The following FAM184B variants were observed in gnomAD, a reference collection of about 807,000 sequenced individuals.
FAM184B encodes the protein family with sequence similarity 184 member B, also known as protein FAM184B.
In FAM184B, 111 loss-of-function variants were observed where a neutral mutation model predicts 135.9. The observed-to-expected ratio is 0.82, with a 90% confidence interval of 0.70 to 0.96. FAM184B has a LOEUF of 0.96. Ranked by LOEUF, FAM184B falls within the 40% of genes least tolerant of loss-of-function variation. FAM184B has a pLI of 0.00. For synonymous variants in FAM184B, 552 were observed against 524.8 expected (o/e 1.05, Z -0.71); for missense variants, 1,375 against 1,323.9 (o/e 1.04, Z -0.60).
chr4:17,742,331 G>A (rs1718065752), intron 1 of FAM184B, among the ~76,000 whole-genome samples: 1 of 151,794 alleles, frequency 6.6e-6, no homozygotes, highest in South Asian at 2.1e-4. Flanking sequence ...TCAGCCAGGA[G>A]GCTGAGGTGA....
chr4:17,733,247 A>C (rs1188978266), intron 1 of FAM184B, among the ~76,000 whole-genome samples: 1 of 152,160 alleles, frequency 6.6e-6, no homozygotes, highest in Non-Finnish European at 1.5e-5. Flanking sequence ...ATGGGTAAAA[A>C]CTGGAAGCAT....
intron 9 of FAM184B, 32 bp from the exon 10 acceptor site, chr4:17,658,594 GC>G: frequency 6.5e-7 from 1 of 1,535,798 alleles, no homozygotes; most frequent in South Asian, 1.2e-5. Flanking sequence ...CTCAGTCTAA[GC>G]CCCTTGCCTT....
chr4:17,751,020 A>T (rs1191967643), intron 1 of FAM184B, among the ~76,000 whole-genome samples: 3 of 152,168 alleles, frequency 2.0e-5, no homozygotes, highest in African/African-American at 7.2e-5. Context: ...AAAAAGCAGC[A>T]CATAGGGCCG....
rs1326022803 is a variant in FAM184B at position 17,709,298 on chromosome 4, T to A, written c.488A>T (p.Gln163Leu). ...GGTAGCCTCGTGGCTCGTCAGGTGC[T>A]GGAGCCTCCTCTCGTAGTCAGCCTT... The part of the protein sequence containing the change: ...ELKADYERRL[Q>L]HLTSHEATPQ... The change falls in exon 2 of 18, where the codon CAG becomes CTG. Residue 163 changes from glutamine (Q) to leucine (L), a missense_variant. Coordinates refer to ENST00000265018, the MANE Select transcript of FAM184B (RefSeq NM_015688.2). The A allele has an allele frequency of 6.5e-7, 1 of 1,549,606 alleles. No homozygotes were observed. Among genetic ancestry groups the A allele is most frequent in the East Asian group, 2.4e-5 (1 of 40,854 alleles).
Position 17,636,631 on chromosome 4 carries a change from C to T in FAM184B, c.2681G>A (p.Gly894Glu). The T allele has an allele frequency of 1.3e-6, 2 of 1,549,702 alleles. No individual in the cohort carries two copies. The highest frequency in any genetic ancestry group is 1.7e-6 in the Non-Finnish European group (2 of 1,146,532). Reference sequence around the variant, plus strand: ...GGACGCTCCCTTCCCTGGCTTCTCTCCGGAATCTTTCAGTCTGTTCCAAGC... The same window carrying T: ...GGACGCTCCCTTCCCTGGCTTCTCTTCGGAATCTTTCAGTCTGTTCCAAGC... ...AALEAELKDSGEKPGKGASRP... is the reference protein window; with the variant it reads ...AALEAELKDSEEKPGKGASRP... The change falls in exon 15 of 18, where the codon GGA (glycine) becomes GAA (glutamate). Residue 894 changes from glycine to glutamate, a missense_variant. By Grantham distance (98) the Gly-to-Glu change is moderately conservative. Coordinates refer to ENST00000265018, the MANE Select transcript of FAM184B (RefSeq NM_015688.2).
intron 1 of FAM184B, among the ~76,000 whole-genome samples, chr4:17,717,601 G>A (rs951645922): frequency 2.6e-5 from 4 of 152,120 alleles, no homozygotes; most frequent in East Asian, 1.9e-4. Flanking sequence ...AAGTCAAAAC[G>A]ACTTCCTAAG....
chr4:17,697,286 A>C (rs1249193393), intron 5 of FAM184B, among the ~76,000 whole-genome samples: 1 of 152,180 alleles, frequency 6.6e-6, no homozygotes, highest in Non-Finnish European at 1.5e-5. Flanking sequence ...ATCTGAAAAG[A>C]TACTGCTGCT....
chr4:17,739,991 C>T (rs1717995497), intron 1 of FAM184B, among the ~76,000 whole-genome samples: 1 of 151,956 alleles, frequency 6.6e-6, no homozygotes. Context: ...ATAAAAAGTC[C>T]CTCCTTGTTC....
intron 13 of FAM184B, among the ~76,000 whole-genome samples, chr4:17,639,744 A>G (rs531882346): frequency 2.6e-5 from 4 of 152,072 alleles, no homozygotes; most frequent in East Asian, 3.9e-4. Flanking sequence ...GAGATTCTCT[A>G]TCAGTATGGC....
At chr4:17,693,067 C>A (rs912524865) in intron 6 of FAM184B, among the ~76,000 whole-genome samples, 1 of 152,012 alleles carries the variant, frequency 6.6e-6, no homozygotes, top group East Asian at 1.9e-4. Flanking sequence ...GCCACAGAAC[C>A]AACACCAGCG....
intron 8 of FAM184B, among the ~76,000 whole-genome samples, chr4:17,663,503 A>T (rs1201123586): frequency 6.6e-6 from 1 of 152,132 alleles, no homozygotes; most frequent in Non-Finnish European, 1.5e-5. Flanking sequence ...ATGCTGATAA[A>T]CAACTTCAGC....
In FAM184B at chr4:17,647,548, C is replaced by T. The variant is rs1715502854; in HGVS notation, c.2346+89G>A. ...CCAAGTGTGAGCCACTGCACTCAGC[C>T]TCAGAGCCCATCCTTTATGGGGCTT... On this transcript the variant is annotated intron_variant, in intron 12 of 17. Transcript: ENST00000265018. 11 of 1,447,220 alleles carry T rather than the reference C, an allele frequency of 7.6e-6. No homozygotes were observed. In the East Asian group the frequency reaches 2.0e-4, roughly 26 times the overall value. The allele number at this position is 1,447,220 out of a possible 1,614,324, so 89.6% of individuals were successfully genotyped here.
At chr4:17,747,052 A>C (rs1394307580) in intron 1 of FAM184B, among the ~76,000 whole-genome samples, 1 of 151,732 alleles carries the variant, frequency 6.6e-6, no homozygotes, top group East Asian at 1.9e-4. Context: ...CTCAAAAAAA[A>C]AAAAAAAAAA....
chr4:17,651,537 C>CAAA (rs751455835), intron 11 of FAM184B, among the ~76,000 whole-genome samples: 2,447 of 43,026 alleles, frequency 0.057, 523 homozygotes, highest in African/African-American at 0.13. Flanking sequence ...GACTCTGTCT[C>CAAA]AAAAAAAAAA....
At chr4:17,735,382 A>G (rs117289864) in intron 1 of FAM184B, among the ~76,000 whole-genome samples, 2 of 152,022 alleles carry the variant, frequency 1.3e-5, no homozygotes, top group Admixed American at 1.3e-4. Context: ...TATAAAAAAA[A>G]TTTTCATTTT....
intron 15 of FAM184B, 22 bp from the exon 16 acceptor site, chr4:17,635,135 G>C: frequency 6.6e-7 from 1 of 1,526,416 alleles, no homozygotes; most frequent in Non-Finnish European, 8.9e-7. Context: ...ATACAACTGA[G>C]TCTAAATGAG....
At chr4:17,717,214 C>G (rs79238344) in intron 1 of FAM184B, among the ~76,000 whole-genome samples, 2,042 of 152,250 alleles carry the variant, frequency 0.013, 21 homozygotes, top group Non-Finnish European at 0.022. Flanking sequence ...TTGTGAGGAT[C>G]AAATAGGGTA....
intron 12 of FAM184B, among the ~76,000 whole-genome samples, chr4:17,647,317 A>T (rs1715495628): frequency 6.7e-6 from 1 of 149,588 alleles, no homozygotes; most frequent in African/African-American, 2.5e-5. Context: ...CTGTGGCACA[A>T]TCATAGCTCA....
intron 10 of FAM184B, among the ~76,000 whole-genome samples, chr4:17,657,072 ATAT>A (rs1185278328): frequency 2.0e-5 from 3 of 152,202 alleles, no homozygotes; most frequent in Admixed American, 1.3e-4. Context: ...GAATATGTAA[ATAT>A]TATTCACTAT....
Sources: gnomAD v4.1 joint callset for allele counts (sites outside exome capture counted in the v4.1 genomes callset) on GRCh38, gnomAD v4.1.1 for gene constraint, MANE v1.5 for transcripts, NCBI Gene and HGNC (gene_info 2026-07-23, HGNC 2026-07-21) for gene names.